CALN1: variants seen among roughly 807,000 people sequenced by gnomAD.
CALN1 encodes calcium-binding protein 8.
Under a neutral mutation model 30.6 loss-of-function variants are expected in CALN1, and 17 were observed. The observed-to-expected ratio is 0.56, with a 90% CI of 0.38 to 0.83. The LOEUF (loss-of-function observed/expected upper bound fraction) is 0.83. CALN1 is among the 40% of genes least tolerant of loss of function. The pLI, the probability that CALN1 is intolerant of heterozygous loss-of-function variation, is 0.00. For synonymous variants in CALN1, 156 were observed against 131.4 expected, an observed-to-expected ratio of 1.19 and a Z score of -1.28; for missense variants, 291 against 354.9, an observed-to-expected ratio of 0.82 and a Z score of 1.45.
intron 2 of CALN1, among the ~76,000 whole-genome samples, chr7:72,280,219 G>A (rs116601268): frequency 9.9e-4 from 150 of 152,112 alleles, no homozygotes; most frequent in African/African-American, 3.4e-3. Flanking sequence ...GGTGCTTTTC[G>A]CTCATCACAA....
At chr7:72,205,569 T>TATATATATATATATATAG (rs1791801648) in intron 3 of CALN1, among the ~76,000 whole-genome samples, 1 of 109,496 alleles carries the variant, frequency 9.1e-6, no homozygotes, top group Non-Finnish European at 1.8e-5. Context: ...TATATATATG[T>TATATATATATATATATAG]ATATATATAT....
intron 2 of CALN1, among the ~76,000 whole-genome samples, chr7:72,340,257 G>C (rs540995789): frequency 3.3e-4 from 50 of 152,238 alleles, no homozygotes; most frequent in African/African-American, 1.1e-3. Flanking sequence ...GACATTTGTA[G>C]AGATGGGATC....
chr7:71,900,745 A>G (rs891514701), intron 5 of CALN1, among the ~76,000 whole-genome samples: 5 of 151,212 alleles, frequency 3.3e-5, no homozygotes, highest in African/African-American at 9.9e-5. Flanking sequence ...TGTTGGAGGG[A>G]AAGTCCCAAA....
chr7:71,837,713 A>AAG (rs1257063266), intron 5 of CALN1, among the ~76,000 whole-genome samples: 2 of 152,196 alleles, frequency 1.3e-5, no homozygotes, highest in Non-Finnish European at 2.9e-5. Flanking sequence ...ACAGGGTCTT[A>AAG]AGGTTCTGTT....
chr7:72,270,797 T>C (rs1436621972), intron 3 of CALN1, among the ~76,000 whole-genome samples: 1 of 152,030 alleles, frequency 6.6e-6, no homozygotes, highest in African/African-American at 2.4e-5. Flanking sequence ...AAAAAGAAGT[T>C]ATAAGCCAAG....
chr7:72,091,246 C>A (rs949725580), intron 4 of CALN1, among the ~76,000 whole-genome samples: 1 of 152,122 alleles, frequency 6.6e-6, no homozygotes. Flanking sequence ...GCAGGAGAAT[C>A]GCTGGAACTG....
At chr7:72,326,337 C>CTA (rs1449073927) in intron 2 of CALN1, among the ~76,000 whole-genome samples, 1 of 152,202 alleles carries the variant, frequency 6.6e-6, no homozygotes, top group East Asian at 1.9e-4. Context: ...TTTCCAAGTA[C>CTA]TAAGCCGTGA....
At chr7:71,909,075 G>T (rs1056654545) in intron 5 of CALN1, among the ~76,000 whole-genome samples, 2 of 152,094 alleles carry the variant, frequency 1.3e-5, no homozygotes, top group Admixed American at 1.3e-4. Flanking sequence ...GGAGTGCAGT[G>T]GTGCAGTCAT....
rs10243625 is a variant in CALN1 at position 72,290,066 on chromosome 7, C to G, written c.120-11256G>C. On this transcript the variant is annotated intron_variant, in intron 2 of 6. Transcript: ENST00000395275. ...GTACTCCAGCCTGGGTAACAGAGAA[C>G]GAGACCCTGTCTTAAAAAAAAAAAA... Among the ~76,000 whole-genome samples the G allele has an allele frequency of 3.7e-5, 4 of 108,034 alleles. No homozygotes were observed. The East Asian group carries it at 1.0e-3, about 28-fold the overall frequency. The allele number at this position is 108,034 out of a possible 152,430, so 70.9% of individuals were successfully genotyped here.
intron 2 of CALN1, among the ~76,000 whole-genome samples, chr7:72,319,721 G>T (rs1399733897): frequency 1.3e-5 from 2 of 152,130 alleles, no homozygotes; most frequent in Admixed American, 6.5e-5. Context: ...ATTTTTAAAA[G>T]AACAGAGGTA....
intron 4 of CALN1, among the ~76,000 whole-genome samples, chr7:72,102,686 AAATGTCCAGCAG>A (rs921562118): frequency 2.0e-5 from 3 of 152,184 alleles, no homozygotes; most frequent in African/African-American, 7.2e-5. Flanking sequence ...CATTAGTAGA[AAATGTCCAGCAG>A]AAGCAACTAT....
rs73362909 is a variant in CALN1, at chr7:72,328,157, A to G, written c.120-49347T>C. Among the ~76,000 whole-genome samples, 667 of 152,254 alleles carry G rather than the reference A, an allele frequency of 4.4e-3. 4 individuals carry two copies. The highest frequency in any genetic ancestry group is 0.015 in the African/African-American group (634 of 41,530). On this transcript the variant is annotated intron_variant, in intron 2 of 6. Coordinates refer to ENST00000395275, the MANE Select transcript of CALN1 (RefSeq NM_031468.4). ...ACTTTCATCGCTAAAAAATGTCTTA[A>G]GCACAAAACAGAGCCACTTATTGGG...
At chr7:72,293,927 C>T (rs1562850116) in intron 2 of CALN1, among the ~76,000 whole-genome samples, 1 of 151,566 alleles carries the variant, frequency 6.6e-6, no homozygotes, top group Non-Finnish European at 1.5e-5. Context: ...TGAAACCCCG[C>T]CTCTCCTTAA....
intron 5 of CALN1, among the ~76,000 whole-genome samples, chr7:71,966,758 C>T (rs566488511): frequency 6.4e-4 from 97 of 152,248 alleles, no homozygotes; most frequent in African/African-American, 2.1e-3. Context: ...TGGTTCTTAA[C>T]GTTTTGGGGA....
At chr7:71,865,958 A>T (rs1375595712) in intron 5 of CALN1, among the ~76,000 whole-genome samples, 2 of 152,200 alleles carry the variant, frequency 1.3e-5, no homozygotes, top group Non-Finnish European at 2.9e-5. Flanking sequence ...AAAGTATACG[A>T]ATAGCAGCTT....
chr7:72,413,346 C>T (rs1807301447), upstream of CALN1, among the ~76,000 whole-genome samples: 1 of 151,730 alleles, frequency 6.6e-6, no homozygotes, highest in South Asian at 2.1e-4. Context: ...TCCACACATA[C>T]ATTTACATAC....
At chr7:71,913,237 C>A (rs1794516393) in intron 5 of CALN1, among the ~76,000 whole-genome samples, 1 of 152,158 alleles carries the variant, frequency 6.6e-6, no homozygotes. Context: ...AGATGGCCTT[C>A]ATCAATTTCC....
chr7:71,792,172 A>G (rs1458551614), intron 6 of CALN1, among the ~76,000 whole-genome samples: 1 of 152,132 alleles, frequency 6.6e-6, no homozygotes, highest in African/African-American at 2.4e-5. Flanking sequence ...TTTGCATTGT[A>G]CTATATTTTT....
At position 72,332,980 on chromosome 7, in the gene CALN1, G is replaced by A. The variant is rs1056553717; in HGVS notation, c.120-54170C>T. ...CTAACGGAGAAATGCTGAGTCCCTG[G>A]GTCCTGACTAAAGGCCCCCACCATC... On this transcript the variant is annotated intron_variant, in intron 2 of 6. Coordinates refer to ENST00000395275, the MANE Select transcript of CALN1 (RefSeq NM_031468.4). Among the ~76,000 whole-genome samples the A allele has an allele frequency of 2.0e-5, 3 of 152,174 alleles. No individual in the cohort carries two copies. The South Asian group carries it at 6.2e-4, about 32-fold the overall frequency.
Sources: allele counts gnomAD v4.1 joint callset (sites outside exome capture counted in the v4.1 genomes callset), GRCh38; gene constraint gnomAD v4.1.1; transcripts MANE v1.5; gene names NCBI Gene and HGNC (gene_info 2026-07-23, HGNC 2026-07-21).